Variants in PPP1R1A observed in about 807,000 individuals in gnomAD.
PPP1R1A encodes protein phosphatase 1 regulatory inhibitor subunit 1A.
In PPP1R1A, 18 loss-of-function variants were observed where a neutral mutation model predicts 23.9. That is an observed-to-expected ratio of 0.75 (90% CI 0.52 to 1.12). PPP1R1A has a LOEUF of 1.12. PPP1R1A is among the 50% of genes most tolerant of loss of function. The pLI is 0.00. For missense variants in PPP1R1A, 207 were observed against 223.8 expected (o/e 0.92, Z 0.48); for synonymous variants, 84 against 80.7 (o/e 1.04, Z -0.22).
intron 1 of PPP1R1A, among the ~76,000 whole-genome samples, chr12:54,586,341 C>T (rs1454566830): frequency 6.6e-6 from 1 of 152,202 alleles, no homozygotes; most frequent in Non-Finnish European, 1.5e-5. Context: ...ACCTCCCAGG[C>T]ACCTGAACTA....
At chr12:54,584,796 C>A (rs1000883350) in intron 1 of PPP1R1A, among the ~76,000 whole-genome samples, 6 of 152,098 alleles carry the variant, frequency 3.9e-5, no homozygotes, top group African/African-American at 1.4e-4. Flanking sequence ...GCTCCTCCCC[C>A]TCCCCTGGGG....
chr12:54,581,882 G>T lies in PPP1R1A; in HGVS notation c.403+94C>A. ...TTGCCTACTACTAGGCCTCTCCCAG[G>T]CTCCAACTCTTTCCCCTCCCCGCAG... is the stretch of plus-strand genomic sequence containing the variant. On this transcript the variant is annotated intron_variant, in intron 5 of 6. Transcript: ENST00000257905. The surrounding 1 kb of genome is among the most constrained non-coding windows in gnomAD (Gnocchi z 4.1). 7.0e-7 allele frequency: 1 copy of T among 1,435,578 alleles called. No homozygotes were observed. Among genetic ancestry groups the T allele is most frequent in the Non-Finnish European group, 9.4e-7 (1 of 1,068,236 alleles). The allele number at this position is 1,435,578 out of a possible 1,614,324, so 88.9% of individuals were successfully genotyped here. A position where few individuals can be genotyped will look rare whatever the true frequency, so the allele number is the denominator to read the frequency against.
In PPP1R1A at chr12:54,580,204, G is replaced by A; in HGVS notation, c.*183C>T. The A allele has an allele frequency of 7.1e-7, 1 of 1,417,164 alleles. No homozygotes were observed. Among genetic ancestry groups the A allele is most frequent in the Non-Finnish European group, 9.2e-7 (1 of 1,082,490 alleles). The allele number at this position is 1,417,164 out of a possible 1,614,324, so 87.8% of individuals were successfully genotyped here. Reference sequence around the variant, plus strand: ...GGGTGGGGGCTACAGAGAGGGCAGGGCAAGAAGGCAGGGAGAAAGGATTCT... The same window carrying A: ...GGGTGGGGGCTACAGAGAGGGCAGGACAAGAAGGCAGGGAGAAAGGATTCT... On this transcript the variant is annotated 3_prime_UTR_variant, in exon 7 of 7. Coordinates refer to ENST00000257905, the MANE Select transcript of PPP1R1A (RefSeq NM_006741.4).
intron 3 of PPP1R1A, 25 bp downstream of exon 3, chr12:54,583,186 G>A: frequency 6.4e-7 from 1 of 1,554,806 alleles, no homozygotes; most frequent in East Asian, 2.3e-5. Context: ...TTTTGGGCTG[G>A]GCTTAGTGGG....
At position 54,587,981 on chromosome 12, in the gene PPP1R1A, C is replaced by T. The variant is rs116594331; in HGVS notation, c.84+424G>A. ...CCCTTCCAGGCTCCCTCTCCATTAC[C>T]GACCCCTCCCCAGGCCCCTCCCGCA... On this transcript the variant is annotated intron_variant, in intron 1 of 6. Transcript: ENST00000257905. Among the ~76,000 whole-genome samples, 1,344 of 152,146 alleles carry T rather than the reference C, an allele frequency of 8.8e-3. 29 individuals carry two copies. The highest frequency in any genetic ancestry group is 0.03 in the African/African-American group (1,235 of 41,508).
In PPP1R1A at chr12:54,582,084, C is replaced by G. The variant is rs369965740; in HGVS notation, c.295G>C (p.Glu99Gln). The G allele has an allele frequency of 2.0e-5, 32 of 1,613,740 alleles. No individual in the cohort carries two copies. Among genetic ancestry groups the G allele is most frequent in the Middle Eastern group, 1.6e-4 (1 of 6,084 alleles). The change falls in exon 5 of 7, where the codon GAG becomes CAG. Residue 99 changes from glutamate to glutamine, a missense_variant. Coordinates refer to ENST00000257905, the MANE Select transcript of PPP1R1A (RefSeq NM_006741.4). Reference sequence around the variant, plus strand: ...CTCTCAGCGGCCCCCTCAGGTTCCTCTCCTTGCTGCTGTTGCCCCAGGTGA... The same window carrying G: ...CTCTCAGCGGCCCCCTCAGGTTCCTGTCCTTGCTGCTGTTGCCCCAGGTGA... ...EHHLGQQQQG[E>Q]EPEGAAESTG...
Position 54,579,409 on chromosome 12 carries a change from A to G in PPP1R1A, c.*978T>C. On this transcript the variant is annotated 3_prime_UTR_variant, in exon 7 of 7. Transcript: ENST00000257905. ...GCCCAGGAGGAGGCCCCGAGGGCTC[A>G]TAGTAGCTGCATGGCAGAAGTGGGA... 1 of 985,368 alleles carries G rather than the reference A, an allele frequency of 1.0e-6. No individual in the cohort carries two copies. The highest frequency in any genetic ancestry group is 1.2e-6 in the Non-Finnish European group (1 of 829,948). 61.0% of individuals were successfully genotyped at this position (985,368 alleles called of 1,614,324 possible).
chr12:54,584,242 A>G lies in PPP1R1A; in HGVS notation c.145+18T>C, dbSNP rs1325510489. 1.9e-6 allele frequency: 3 copies of G among 1,588,492 alleles called. No individual in the cohort carries two copies. Among genetic ancestry groups the G allele is most frequent in the African/African-American group, 2.7e-5 (2 of 74,470 alleles). On this transcript the variant is annotated intron_variant, in intron 2 of 6. Transcript: ENST00000257905. ...ATAGTGGCCCCCACGCCCTTCAGCAACCTATCCCTTGGCTTACCTGGGGAT... is the reference window on the plus strand; with the variant it reads ...ATAGTGGCCCCCACGCCCTTCAGCAGCCTATCCCTTGGCTTACCTGGGGAT...
intron 6 of PPP1R1A, among the ~76,000 whole-genome samples, 184 bp from the exon 7 acceptor site, chr12:54,580,576 A>G (rs1192039699): frequency 1.3e-5 from 2 of 152,214 alleles, no homozygotes; most frequent in East Asian, 3.9e-4. Flanking sequence ...ATCAAAGCTC[A>G]GGAAGTTATC....
intron 2 of PPP1R1A, 83 bp downstream of exon 2, chr12:54,584,177 C>T: frequency 7.4e-7 from 1 of 1,348,390 alleles, no homozygotes. Context: ...AGCTGTTCTT[C>T]TTCCATCTAG....
At chr12:54,585,736 G>C (rs1178920938) in intron 1 of PPP1R1A, among the ~76,000 whole-genome samples, 1 of 151,536 alleles carries the variant, frequency 6.6e-6, no homozygotes, top group African/African-American at 2.4e-5. Context: ...CCAGAAAAGT[G>C]GGGGGTACTG....
At position 54,579,429 on chromosome 12, in the gene PPP1R1A, G is replaced by A; in HGVS notation, c.*958C>T. The A allele has an allele frequency of 1.0e-6, 1 of 985,442 alleles. No homozygotes were observed. The highest frequency in any genetic ancestry group is 1.2e-6 in the Non-Finnish European group (1 of 829,946). The allele number at this position is 985,442 out of a possible 1,614,324, so 61.0% of individuals were successfully genotyped here. On this transcript the variant is annotated 3_prime_UTR_variant, in exon 7 of 7. Transcript: ENST00000257905. Reference sequence around the variant, plus strand: ...GGCTCATAGTAGCTGCATGGCAGAAGTGGGACCTGACGCTTCTCAGGCTCT... The same window carrying A: ...GGCTCATAGTAGCTGCATGGCAGAAATGGGACCTGACGCTTCTCAGGCTCT...
rs1957862094 is a variant in PPP1R1A, at chr12:54,582,203, C to T, written c.248-72G>A. 6.2e-6 allele frequency: 9 copies of T among 1,457,720 alleles called. No individual in the cohort carries two copies. The South Asian group carries it at 1.2e-4, about 20-fold the overall frequency. The allele number at this position is 1,457,720 out of a possible 1,614,324, so 90.3% of individuals were successfully genotyped here. ...CGTCTCCCCTGTGGGCCTCCGGATT[C>T]AACAGCCCCACTAAAGGCTCAGCAC... On this transcript the variant is annotated intron_variant, in intron 4 of 6. Coordinates refer to ENST00000257905, the MANE Select transcript of PPP1R1A (RefSeq NM_006741.4).
Position 54,581,109 on chromosome 12 carries a change from G to A in PPP1R1A, c.404-59C>T. 1 of 1,340,922 alleles carries A rather than the reference G, an allele frequency of 7.5e-7. No individual in the cohort carries two copies. The highest frequency in any genetic ancestry group is 1.1e-6 in the Non-Finnish European group (1 of 945,068). The allele number at this position is 1,340,922 out of a possible 1,614,324, so 83.1% of individuals were successfully genotyped here. ...TGGCATTCATAAAGGTGTTGGGGAG[G>A]GAACTGCTTCTCCTCACTGCACCCA... On this transcript the variant is annotated intron_variant, in intron 5 of 6. Transcript: ENST00000257905. This position sits in a 1 kb window ranked among gnomAD's most constrained non-coding sequence, Gnocchi z 4.1.
chr12:54,583,824 G>A (rs1418154559), intron 2 of PPP1R1A, among the ~76,000 whole-genome samples: 1 of 152,152 alleles, frequency 6.6e-6, no homozygotes, highest in Non-Finnish European at 1.5e-5. Flanking sequence ...GACCTCGATG[G>A]GGATGCTGGT....
Position 54,579,903 on chromosome 12 carries a change from A to G in PPP1R1A, c.*484T>C. On this transcript the variant is annotated 3_prime_UTR_variant, in exon 7 of 7. Transcript: ENST00000257905. ...CCCTTTTGTCCAGCAGATGGAGCCC[A>G]CCGCACAGTCACAGCTGGACACGGC... is the stretch of plus-strand genomic sequence containing the variant. 2.0e-6 allele frequency: 2 copies of G among 986,808 alleles called. No homozygotes were observed. Among genetic ancestry groups the G allele is most frequent in the Non-Finnish European group, 2.4e-6 (2 of 830,924 alleles). 61.1% of individuals were successfully genotyped at this position (986,808 alleles called of 1,614,324 possible).
In PPP1R1A at chr12:54,579,483, C is replaced by T. The variant is rs562522702; in HGVS notation, c.*904G>A. On this transcript the variant is annotated 3_prime_UTR_variant, in exon 7 of 7. Transcript: ENST00000257905. ...CTTGCCTCTGTACCACATGCTTCAGCAGGGAGGGGGAAAGAATCTTGCCTT... is the reference window on the plus strand; with the variant it reads ...CTTGCCTCTGTACCACATGCTTCAGTAGGGAGGGGGAAAGAATCTTGCCTT... The T allele has an allele frequency of 4.1e-6, 4 of 985,382 alleles. No individual in the cohort carries two copies. Among genetic ancestry groups the T allele is most frequent in the East Asian group, 2.3e-4 (2 of 8,804 alleles). The allele number at this position is 985,382 out of a possible 1,614,324, so 61.0% of individuals were successfully genotyped here. A position where few individuals can be genotyped will look rare whatever the true frequency, so the allele number is the denominator to read the frequency against.
intron 4 of PPP1R1A, 63 bp from the exon 5 acceptor site, chr12:54,582,194 C>T: frequency 6.7e-7 from 1 of 1,497,464 alleles, no homozygotes; most frequent in Non-Finnish European, 8.9e-7. Flanking sequence ...CCCTGTGGGC[C>T]TCCGGATTCA....
intron 1 of PPP1R1A, among the ~76,000 whole-genome samples, chr12:54,585,292 C>T (rs1957898763): frequency 6.6e-6 from 1 of 152,076 alleles, no homozygotes; most frequent in African/African-American, 2.4e-5. Flanking sequence ...TGGTCAGGGC[C>T]CAAAGCGTAG....
Sources: gnomAD v4.1 joint callset for allele counts (sites outside exome capture counted in the v4.1 genomes callset) on GRCh38, gnomAD v4.1.1 for gene constraint, Gnocchi (gnomAD v3.1) non-coding constraint, MANE v1.5 for transcripts, NCBI Gene and HGNC (gene_info 2026-07-23, HGNC 2026-07-21) for gene names.